LRMDA: variants seen among roughly 807,000 people sequenced by gnomAD.
The protein encoded by LRMDA is leucine-rich melanocyte differentiation-associated protein.
LRMDA carries 18 observed loss-of-function variants against 29.8 expected under a neutral mutation model. The observed-to-expected ratio is 0.60, with a 90% CI of 0.42 to 0.90. The LOEUF (loss-of-function observed/expected upper bound fraction) is 0.90, where lower values mean the gene tolerates loss of function less well. Ranked by LOEUF, LRMDA falls within the 40% of genes least tolerant of loss-of-function variation. The pLI, the probability that LRMDA is intolerant of heterozygous loss-of-function variation, is 0.00. For synonymous variants in LRMDA, 125 were observed against 109.4 expected, an observed-to-expected ratio of 1.14 and a Z score of -0.89; for missense variants, 273 against 273.9, an observed-to-expected ratio of 1.00 and a Z score of 0.02.
At chr10:75,669,266 CAG>C (rs1841862737) in intron 2 of LRMDA, among the ~76,000 whole-genome samples, 1 of 152,172 alleles carries the variant, frequency 6.6e-6, no homozygotes, top group South Asian at 2.1e-4. Context: ...TGATAAGGGA[CAG>C]AGCAGTATTT....
intron 2 of LRMDA, among the ~76,000 whole-genome samples, chr10:75,981,649 C>T (rs961923512): frequency 7.9e-5 from 12 of 152,084 alleles, no homozygotes; most frequent in African/African-American, 2.2e-4. Flanking sequence ...GTCAAGAGAT[C>T]GAGACCATCC....
At chr10:75,979,894 T>A (rs943797298) in intron 2 of LRMDA, among the ~76,000 whole-genome samples, 1 of 152,244 alleles carries the variant, frequency 6.6e-6, no homozygotes, top group African/African-American at 2.4e-5. Flanking sequence ...ATTAATAGAC[T>A]AATATGTAGC....
At chr10:76,510,119 G>A (rs754331191) in intron 6 of LRMDA, among the ~76,000 whole-genome samples, 4 of 152,150 alleles carry the variant, frequency 2.6e-5, no homozygotes, top group African/African-American at 4.8e-5. Context: ...TGTCTAGGCT[G>A]GAGTGGAGTG....
chr10:76,160,563 TA>T (rs1431075051), intron 5 of LRMDA, among the ~76,000 whole-genome samples: 1 of 152,160 alleles, frequency 6.6e-6, no homozygotes, highest in Non-Finnish European at 1.5e-5. Context: ...TAGTTGAAAC[TA>T]GATTAGCTGT....
At chr10:76,047,124 C>A (rs766692456) in intron 3 of LRMDA, 40 bp from the exon 4 acceptor site, 2 of 1,612,032 alleles carry the variant, frequency 1.2e-6, no homozygotes, top group Non-Finnish European at 1.7e-6. Flanking sequence ...CATTGCTAAG[C>A]CTTTTGTCTT....
At chr10:76,207,187 C>T (rs1000360901) in intron 5 of LRMDA, among the ~76,000 whole-genome samples, 10 of 152,178 alleles carry the variant, frequency 6.6e-5, no homozygotes, top group African/African-American at 2.2e-4. Context: ...TACCATTGTA[C>T]ATAATTGATC....
At chr10:76,024,075 CATGACTCA>C (rs1475742426) in intron 2 of LRMDA, among the ~76,000 whole-genome samples, 1 of 152,168 alleles carries the variant, frequency 6.6e-6, no homozygotes, top group African/African-American at 2.4e-5. Context: ...AAACAGAGCT[CATGACTCA>C]ATGGAGTGGT....
chr10:75,939,627 A>G (rs1225265825), intron 2 of LRMDA, among the ~76,000 whole-genome samples: 2 of 152,108 alleles, frequency 1.3e-5, no homozygotes, highest in Non-Finnish European at 2.9e-5. Context: ...AAACCTAGAG[A>G]GGTCACATTC....
intron 2 of LRMDA, among the ~76,000 whole-genome samples, chr10:75,934,938 A>G (rs1846262751): frequency 6.6e-6 from 1 of 152,164 alleles, no homozygotes; most frequent in Admixed American, 6.5e-5. Flanking sequence ...TGAGTCCATC[A>G]GCGGAGATTT....
At chr10:75,481,486 C>A (rs1844855600) in intron 2 of LRMDA, among the ~76,000 whole-genome samples, 1 of 152,134 alleles carries the variant, frequency 6.6e-6, no homozygotes, top group Admixed American at 6.6e-5. Context: ...GAATGGTGGG[C>A]TTTTCTGTCC....
chr10:75,561,655 C>T (rs940749682), intron 2 of LRMDA, among the ~76,000 whole-genome samples: 6 of 151,140 alleles, frequency 4.0e-5, no homozygotes, highest in African/African-American at 1.2e-4. Flanking sequence ...CCTGCTTTCT[C>T]TTGTGGGCAT....
At chr10:76,219,519 A>G (rs1327854622) in intron 5 of LRMDA, among the ~76,000 whole-genome samples, 1 of 152,236 alleles carries the variant, frequency 6.6e-6, no homozygotes, top group Non-Finnish European at 1.5e-5. Flanking sequence ...GAGGCAAAGA[A>G]GGCCATTACA....
At chr10:75,956,063 G>A (rs1479300838) in intron 2 of LRMDA, among the ~76,000 whole-genome samples, 2 of 152,098 alleles carry the variant, frequency 1.3e-5, no homozygotes, top group East Asian at 3.9e-4. Flanking sequence ...TCTAGCTCAG[G>A]GTCTCTAAAG....
chr10:76,477,284 G>C (rs1411747065), intron 6 of LRMDA, among the ~76,000 whole-genome samples: 1 of 152,004 alleles, frequency 6.6e-6, no homozygotes. Context: ...CAAATCATGA[G>C]TGAACTCCCA....
At chr10:76,093,179 A>G (rs959006908) in intron 5 of LRMDA, among the ~76,000 whole-genome samples, 12 of 152,016 alleles carry the variant, frequency 7.9e-5, no homozygotes, top group Admixed American at 7.9e-4. Context: ...CTGGGATTAC[A>G]GGCGCCCGCC....
chr10:75,794,418 T>A (rs1347553182), intron 2 of LRMDA, among the ~76,000 whole-genome samples: 2 of 152,112 alleles, frequency 1.3e-5, no homozygotes, highest in African/African-American at 4.8e-5. Flanking sequence ...TCTGTGTAGA[T>A]CTAGATTTTT....
chr10:76,050,568 C>T (rs1169200252), intron 4 of LRMDA, among the ~76,000 whole-genome samples: 1 of 152,146 alleles, frequency 6.6e-6, no homozygotes, highest in Non-Finnish European at 1.5e-5. Flanking sequence ...TCAGTGTGTA[C>T]ACACCATGCT....
chr10:76,056,279 G>A (rs763283218), intron 4 of LRMDA, among the ~76,000 whole-genome samples: 1 of 152,184 alleles, frequency 6.6e-6, no homozygotes, highest in Non-Finnish European at 1.5e-5. Flanking sequence ...GAAAGGAAGT[G>A]CATGCTGATT....
At chr10:75,992,471 G>GGA (rs1304387979) in intron 2 of LRMDA, among the ~76,000 whole-genome samples, 4 of 152,138 alleles carry the variant, frequency 2.6e-5, no homozygotes, top group African/African-American at 9.7e-5. Context: ...ATGGAATTGG[G>GGA]GAGATCAAGT....
Sources: allele counts gnomAD v4.1 joint callset (sites outside exome capture counted in the v4.1 genomes callset), GRCh38; gene constraint gnomAD v4.1.1; transcripts MANE v1.5; gene names NCBI Gene and HGNC (gene_info 2026-07-23, HGNC 2026-07-21).